Variants in RORA observed in about 807,000 individuals in gnomAD.
The protein encoded by RORA is RAR related orphan receptor A, also known as nuclear receptor ROR-alpha.
Under a neutral mutation model 69.5 loss-of-function variants are expected in RORA, and 7 were observed. The observed-to-expected ratio is 0.10, with a 90% CI of 0.06 to 0.19. RORA has a LOEUF of 0.19. Among genes scored for constraint, RORA ranks in the 10% least tolerant of loss-of-function variants. RORA has a pLI of 1.00. For synonymous variants in RORA, 261 were observed against 240.8 expected, an observed-to-expected ratio of 1.08 and a Z score of -0.78; for missense variants, 457 against 663.0, an observed-to-expected ratio of 0.69 and a Z score of 3.41.
chr15:60,772,073 T>A (rs1595702659), intron 1 of RORA, among the ~76,000 whole-genome samples: 1 of 152,214 alleles, frequency 6.6e-6, no homozygotes, highest in East Asian at 1.9e-4. Flanking sequence ...TTATTTATAT[T>A]ATACTTTAAG....
Position 61,229,246 on chromosome 15 carries a change from A to C in RORA, c.-28T>G, listed in dbSNP as rs1442022173. 8.3e-7 allele frequency: 1 copy of C among 1,211,924 alleles called. No homozygotes were observed. The highest frequency in any genetic ancestry group is 1.8e-5 in the African/African-American group (1 of 55,734). 75.1% of individuals were successfully genotyped at this position (1,211,924 alleles called of 1,614,324 possible). ...TTTTTCCCAATGTAGAGATCGCTGG[A>C]GATGGCGAGCTCCGAGACTCCCTCT... On this transcript the variant is annotated 5_prime_UTR_variant, in exon 1 of 11. Coordinates refer to ENST00000335670, the MANE Select transcript of RORA (RefSeq NM_134261.3).
At chr15:60,510,603 C>T (rs1344275108) in intron 5 of RORA, 1 of 152,368 alleles carries the variant, frequency 6.6e-6, no homozygotes, top group Non-Finnish European at 1.5e-5. Flanking sequence ...GAGATGCCTA[C>T]AGGGGCTGTG....
At chr15:60,578,909 GC>G in intron 2 of RORA, among the ~76,000 whole-genome samples, 1 of 151,638 alleles carries the variant, frequency 6.6e-6, no homozygotes. Context: ...GACTACAGGC[GC>G]CCGCCACCAT....
At position 60,700,008 on chromosome 15, in the gene RORA, G is replaced by C. The variant is rs982526961; in HGVS notation, c.167-21322C>G. ...TCCACTAGTTTTCTGTTTTTTGTCC[G>C]GAAGGAAAGCCAGGGAGGTCAGAGA... On this transcript the variant is annotated intron_variant, in intron 1 of 10. Coordinates refer to ENST00000335670, the MANE Select transcript of RORA (RefSeq NM_134261.3). Among the ~76,000 whole-genome samples, 3 of 152,052 alleles carry C rather than the reference G, an allele frequency of 2.0e-5. No individual in the cohort carries two copies. In the South Asian group the frequency reaches 6.2e-4, roughly 32 times the overall value.
intron 1 of RORA, among the ~76,000 whole-genome samples, chr15:61,045,411 TA>T (rs1377669935): frequency 6.6e-6 from 1 of 152,214 alleles, no homozygotes; most frequent in Non-Finnish European, 1.5e-5. Context: ...ACCTGGGTTA[TA>T]AACAGACCTC....
At chr15:60,872,235 G>A (rs2073565335) in intron 1 of RORA, among the ~76,000 whole-genome samples, 1 of 152,148 alleles carries the variant, frequency 6.6e-6, no homozygotes, top group Non-Finnish European at 1.5e-5. Flanking sequence ...ACCTACATCT[G>A]TGAGATGCTC....
intron 1 of RORA, among the ~76,000 whole-genome samples, chr15:60,727,677 T>TAA (rs200733946): frequency 8.6e-5 from 13 of 151,014 alleles, no homozygotes; most frequent in African/African-American, 2.7e-4. Flanking sequence ...TTTGGGACTT[T>TAA]AAAAAAAAAT....
At chr15:60,576,574 G>A (rs112890771) in intron 2 of RORA, among the ~76,000 whole-genome samples, 11 of 152,348 alleles carry the variant, frequency 7.2e-5, no homozygotes, top group Middle Eastern at 3.4e-3. Context: ...AAATTTCAGG[G>A]AAGGTTGGGC....
chr15:61,203,007 T>C (rs1293951461), intron 1 of RORA, among the ~76,000 whole-genome samples: 1 of 152,158 alleles, frequency 6.6e-6, no homozygotes, highest in African/African-American at 2.4e-5. Flanking sequence ...ATACGTAAGA[T>C]ACAAATAACA....
chr15:60,885,063 G>T (rs1429119823), intron 1 of RORA, among the ~76,000 whole-genome samples: 1 of 152,242 alleles, frequency 6.6e-6, no homozygotes, highest in Non-Finnish European at 1.5e-5. Flanking sequence ...GACTGTAGTA[G>T]ATTAAAGATG....
At chr15:61,095,448 A>G (rs968297571) in intron 1 of RORA, among the ~76,000 whole-genome samples, 9 of 152,252 alleles carry the variant, frequency 5.9e-5, no homozygotes, top group Non-Finnish European at 1.0e-4. Context: ...AGTTACATAC[A>G]AAACCAATAA....
chr15:61,164,070 T>A (rs2140886356), intron 1 of RORA, among the ~76,000 whole-genome samples: 1 of 152,118 alleles, frequency 6.6e-6, no homozygotes, highest in Admixed American at 6.5e-5. Context: ...GTTTCATCTC[T>A]CAAGAGAGTG....
intron 1 of RORA, among the ~76,000 whole-genome samples, chr15:60,893,601 G>T (rs1020687804): frequency 1.3e-5 from 2 of 152,100 alleles, no homozygotes; most frequent in African/African-American, 2.4e-5. Context: ...GTGTGTGTGC[G>T]TTTTTAAAAA....
chr15:60,842,851 C>A (rs562583422), intron 1 of RORA, among the ~76,000 whole-genome samples: 2 of 152,148 alleles, frequency 1.3e-5, no homozygotes, highest in African/African-American at 4.8e-5. Context: ...AAAGAAGACA[C>A]GCAGCCCAGG....
chr15:60,967,202 GCATATGA>G (rs1013388073), intron 1 of RORA, among the ~76,000 whole-genome samples: 3 of 152,096 alleles, frequency 2.0e-5, no homozygotes, highest in African/African-American at 7.2e-5. Flanking sequence ...ATTTTTTAAA[GCATATGA>G]CATATAATTT....
chr15:60,648,997 C>A (rs2070100374), intron 2 of RORA, among the ~76,000 whole-genome samples: 1 of 152,180 alleles, frequency 6.6e-6, no homozygotes, highest in South Asian at 2.1e-4. Flanking sequence ...ACAGTCAACT[C>A]TCCTCACAGG....
At chr15:60,980,147 T>TC (rs759908922) in intron 1 of RORA, among the ~76,000 whole-genome samples, 7 of 152,210 alleles carry the variant, frequency 4.6e-5, no homozygotes, top group Non-Finnish European at 1.0e-4. Context: ...ACATGGGTTT[T>TC]CCCCTCTTCA....
rs1208453743 is a variant in RORA, at chr15:60,516,173, T to TTA, written c.283-1418_283-1417dup. 2.6e-4 allele frequency among the ~76,000 whole-genome samples: 9 copies of TTA among 34,722 alleles called. 1 individual carries two copies. In the South Asian group the frequency reaches 4.5e-3, roughly 17 times the overall value. The allele number at this position is 34,722 out of a possible 152,430, so 22.8% of individuals were successfully genotyped here. On this transcript the variant is annotated intron_variant, in intron 3 of 10. Transcript: ENST00000335670. ...TATATATATATATTTATATATATAT[T>TTA]TATATATATATTTATATATATATTT...
intron 3 of RORA, among the ~76,000 whole-genome samples, chr15:60,515,119 G>A (rs369975148): frequency 6.6e-6 from 1 of 152,266 alleles, no homozygotes; most frequent in East Asian, 1.9e-4. Flanking sequence ...CTAAGAGATT[G>A]TTTGTAAAAT....
Sources: allele counts gnomAD v4.1 joint callset (sites outside exome capture counted in the v4.1 genomes callset), GRCh38; gene constraint gnomAD v4.1.1; transcripts MANE v1.5; gene names NCBI Gene and HGNC (gene_info 2026-07-23, HGNC 2026-07-21).